Variants in SEMA6D observed in about 807,000 individuals in gnomAD.
SEMA6D encodes semaphorin-6D.
Under a neutral mutation model 106.6 loss-of-function variants are expected in SEMA6D, and 35 were observed. That is an observed-to-expected ratio of 0.33 (90% CI 0.25 to 0.44). The LOEUF is 0.44. SEMA6D is among the 20% of genes least tolerant of loss of function. The pLI is 1.00. For synonymous variants in SEMA6D, 499 were observed against 487.7 expected, an observed-to-expected ratio of 1.02 and a Z score of -0.31; for missense variants, 1,185 against 1,345.9, an observed-to-expected ratio of 0.88 and a Z score of 1.87.
intron 1 of SEMA6D, among the ~76,000 whole-genome samples, chr15:47,293,766 T>C (rs1234881209): frequency 6.6e-6 from 1 of 152,214 alleles, no homozygotes; most frequent in Non-Finnish European, 1.5e-5. Context: ...CACGTGTATG[T>C]AGTTATTATA....
At chr15:47,227,641 C>T (rs902904698) in intron 1 of SEMA6D, among the ~76,000 whole-genome samples, 8 of 148,856 alleles carry the variant, frequency 5.4e-5, no homozygotes, top group African/African-American at 2.0e-4. Context: ...ATGAGGCCAG[C>T]AGTGCGTGTG....
At chr15:47,188,437 T>C (rs1893719682) in intron 1 of SEMA6D, among the ~76,000 whole-genome samples, 1 of 152,206 alleles carries the variant, frequency 6.6e-6, no homozygotes, top group South Asian at 2.1e-4. Context: ...TGAGGAGATA[T>C]AAGACAATGC....
chr15:47,504,552 G>GTTT (rs2043971749), intron 3 of SEMA6D, among the ~76,000 whole-genome samples: 1 of 152,112 alleles, frequency 6.6e-6, no homozygotes, highest in Non-Finnish European at 1.5e-5. Flanking sequence ...TCCTGAGCTG[G>GTTT]GAAACAACAG....
intron 1 of SEMA6D, among the ~76,000 whole-genome samples, chr15:47,391,270 C>T (rs1410644560): frequency 6.6e-6 from 1 of 152,164 alleles, no homozygotes; most frequent in Non-Finnish European, 1.5e-5. Flanking sequence ...AGAGCTATGG[C>T]CAAAGCCAGG....
At chr15:47,740,765 C>G (rs1474088361) in intron 1 of SEMA6D, among the ~76,000 whole-genome samples, 1 of 152,108 alleles carries the variant, frequency 6.6e-6, no homozygotes, top group African/African-American at 2.4e-5. Flanking sequence ...TTTCCCTGAC[C>G]TTGGGGTAGG....
rs1307443816 is a variant in SEMA6D, at chr15:47,770,529, A to G, written c.1966A>G (p.Asn656Asp). 1.9e-6 allele frequency: 3 copies of G among 1,607,322 alleles called. No individual in the cohort carries two copies. The African/African-American group carries it at 4.0e-5, about 21-fold the overall frequency. Residue 656 changes from asparagine (N) to aspartate (D), a missense_variant, in exon 19 of 19, where the codon AAC becomes GAC. Physicochemically the swap from Asn to Asp is conservative, Grantham distance 23 (BLOSUM62 1). This residue lies in a region of SEMA6D where 750 missense variants were observed against 783.5 expected (regional missense o/e 0.96). Transcript: ENST00000536845. Reference protein sequence around the residue: ...VRWEVQSGESNQMVHMNVLIT... With the variant: ...VRWEVQSGESDQMVHMNVLIT... The stretch of plus-strand genomic sequence containing the variant: ...ATGGGAAGTCCAGTCTGGAGAGTCC[A>G]ACCAGATGGTCCACATGAATGTCCT...
At chr15:47,765,581 G>A (rs2082293150) in intron 13 of SEMA6D, 4 of 549,188 alleles carry the variant, frequency 7.3e-6, no homozygotes, top group Non-Finnish European at 1.0e-5. Context: ...ATGCATTAAA[G>A]CACGATCCTT....
intron 2 of SEMA6D, among the ~76,000 whole-genome samples, chr15:47,428,992 A>AAGGG (rs1038621579): frequency 6.6e-6 from 1 of 151,098 alleles, no homozygotes; most frequent in African/African-American, 2.4e-5. Context: ...GGAAAGAAGA[A>AAGGG]AGGGAGGGAG....
chr15:47,483,884 C>T (rs578239740), intron 3 of SEMA6D, among the ~76,000 whole-genome samples: 1 of 152,162 alleles, frequency 6.6e-6, no homozygotes, highest in East Asian at 1.9e-4. Context: ...TTTCTTGGAG[C>T]TTCTTTGGTT....
chr15:47,751,774 CTTATTCCT>C (rs1260583926), intron 1 of SEMA6D, among the ~76,000 whole-genome samples: 1 of 152,124 alleles, frequency 6.6e-6, no homozygotes, highest in Non-Finnish European at 1.5e-5. Context: ...CATTCTTCTG[CTTATTCCT>C]TTATTCACAG....
intron 3 of SEMA6D, among the ~76,000 whole-genome samples, chr15:47,479,748 C>A (rs931606221): frequency 6.6e-6 from 1 of 152,050 alleles, no homozygotes; most frequent in Non-Finnish European, 1.5e-5. Context: ...AAAAGAGATG[C>A]CACTTCCCTA....
intron 1 of SEMA6D, among the ~76,000 whole-genome samples, chr15:47,737,162 G>A (rs541713838): frequency 3.3e-5 from 5 of 152,200 alleles, no homozygotes; most frequent in Non-Finnish European, 5.9e-5. Flanking sequence ...AATTACCTTC[G>A]TGATTTCTTA....
intron 1 of SEMA6D, among the ~76,000 whole-genome samples, chr15:47,297,588 A>G (rs1478351380): frequency 6.6e-6 from 1 of 152,166 alleles, no homozygotes; most frequent in African/African-American, 2.4e-5. Flanking sequence ...TCAATTCCAG[A>G]CACTGGCCCA....
At chr15:47,653,097 T>A (rs2077724259) in intron 4 of SEMA6D, among the ~76,000 whole-genome samples, 1 of 152,218 alleles carries the variant, frequency 6.6e-6, no homozygotes, top group Non-Finnish European at 1.5e-5. Flanking sequence ...ATAAAAATAG[T>A]TCTGTCTTCT....
At chr15:47,372,252 C>G (rs905532582) in intron 1 of SEMA6D, among the ~76,000 whole-genome samples, 2 of 152,146 alleles carry the variant, frequency 1.3e-5, no homozygotes, top group East Asian at 1.9e-4. Context: ...AAATTCAGAC[C>G]TGGAACCCCA....
At chr15:47,244,590 T>G (rs548463242) in intron 1 of SEMA6D, among the ~76,000 whole-genome samples, 2 of 152,266 alleles carry the variant, frequency 1.3e-5, no homozygotes, top group Admixed American at 6.5e-5. Flanking sequence ...GTTTGTACAG[T>G]TAAGTGATGG....
At chr15:47,458,577 A>G (rs556719787) in intron 2 of SEMA6D, among the ~76,000 whole-genome samples, 1 of 152,172 alleles carries the variant, frequency 6.6e-6, no homozygotes, top group African/African-American at 2.4e-5. Flanking sequence ...ATACCCATGT[A>G]TTAGGAAATG....
chr15:47,665,099 T>C (rs1415031074), intron 4 of SEMA6D, among the ~76,000 whole-genome samples: 1 of 152,162 alleles, frequency 6.6e-6, no homozygotes, highest in East Asian at 1.9e-4. Flanking sequence ...CTGTCAAACA[T>C]ACCTATAGTG....
At chr15:47,479,083 G>A (rs1000178876) in intron 3 of SEMA6D, among the ~76,000 whole-genome samples, 1 of 152,088 alleles carries the variant, frequency 6.6e-6, no homozygotes, top group Non-Finnish European at 1.5e-5. Context: ...AGATTTGGGT[G>A]GGGACACAGC....
Sources: gnomAD v4.1 joint callset for allele counts (sites outside exome capture counted in the v4.1 genomes callset) on GRCh38, gnomAD v4.1.1 for gene constraint, gnomAD v4.1.1 regional missense constraint, MANE v1.5 for transcripts, NCBI Gene and HGNC (gene_info 2026-07-23, HGNC 2026-07-21) for gene names.